PPARD: variants seen among roughly 807,000 people sequenced by gnomAD.
PPARD encodes the protein peroxisome proliferator activated receptor delta.
In PPARD, 6 loss-of-function variants were observed where a neutral mutation model predicts 39.5. The ratio of observed to expected loss-of-function variants is 0.15; its 90% CI spans 0.08 to 0.30. The LOEUF is 0.30. PPARD is among the 10% of genes least tolerant of loss of function. The probability of loss-of-function intolerance (pLI) is 1.00; values close to 1 mark genes in which losing one functional copy is unlikely to be tolerated. For missense variants in PPARD, 397 were observed against 596.8 expected (o/e 0.67, Z 3.49); for synonymous variants, 210 against 231.3 (o/e 0.91, Z 0.83).
chr6:35,348,684 CTCTG>C (rs1761033406), intron 2 of PPARD: 10 of 984,860 alleles, frequency 1.0e-5, no homozygotes, highest in Non-Finnish European at 1.2e-5. Context: ...CCCTGTGTCT[CTCTG>C]TCTGTGGGGG....
intron 2 of PPARD, among the ~76,000 whole-genome samples, chr6:35,406,516 G>T (rs2150755281): frequency 6.6e-6 from 1 of 152,320 alleles, no homozygotes; most frequent in South Asian, 2.1e-4. Context: ...CTGCAGCACA[G>T]CAGTTCAATC....
chr6:35,424,270 T>C lies in PPARD; in HGVS notation c.628-59T>C. The C allele has an allele frequency of 2.5e-6, 4 of 1,597,136 alleles. No individual in the cohort carries two copies. The highest frequency in any genetic ancestry group is 2.6e-6 in the Non-Finnish European group (3 of 1,169,748). The stretch of plus-strand genomic sequence containing the variant: ...AACTTCATGGTGCAGGCAAGGGACA[T>C]GGGGAGCACAGGGTGGGGGTCTCCC... On this transcript the variant is annotated intron_variant, in intron 6 of 7. Coordinates refer to ENST00000360694, the MANE Select transcript of PPARD (RefSeq NM_006238.5). The surrounding 1 kb of genome is among the most constrained non-coding windows in gnomAD (Gnocchi z 7.1).
rs146874791 is a variant in PPARD at position 35,367,645 on chromosome 6, T to C, written c.-102+20495T>C. 3.0e-3 allele frequency among the ~76,000 whole-genome samples: 452 copies of C among 152,378 alleles called. 12 individuals are homozygous for C. The highest frequency in any genetic ancestry group is 0.028 in the Admixed American group (430 of 15,298). ...CTTGATTGTGTGAATTGGGTCCAGA[T>C]GCTTGGTTCTGCCCCACATGATGTC... is the stretch of plus-strand genomic sequence containing the variant. On this transcript the variant is annotated intron_variant, in intron 2 of 7. Coordinates refer to ENST00000360694, the MANE Select transcript of PPARD (RefSeq NM_006238.5).
At chr6:35,413,882 C>T (rs1184251910) in intron 3 of PPARD, among the ~76,000 whole-genome samples, 1 of 152,038 alleles carries the variant, frequency 6.6e-6, no homozygotes, top group Non-Finnish European at 1.5e-5. Context: ...TGGGGTTCCA[C>T]TGTGTTGGCC....
intron 2 of PPARD, among the ~76,000 whole-genome samples, chr6:35,374,788 G>A (rs1762712587): frequency 6.6e-6 from 1 of 152,100 alleles, no homozygotes; most frequent in Admixed American, 6.6e-5. Flanking sequence ...CTCCCCCAGT[G>A]ATTCTTACAT....
In PPARD at chr6:35,363,920, T is replaced by A. The variant is rs975067069; in HGVS notation, c.-102+16770T>A. The stretch of plus-strand genomic sequence containing the variant: ...TGTATATTAACTGTGTTTTATATAT[T>A]ATATTAAATTAATATATTTATATAT... On this transcript the variant is annotated intron_variant, in intron 2 of 7. Transcript: ENST00000360694. The surrounding 1 kb of genome is among the most constrained non-coding windows in gnomAD (Gnocchi z 4.5). Among the ~76,000 whole-genome samples the A allele has an allele frequency of 7.3e-6, 1 of 136,070 alleles. No individual in the cohort carries two copies. Among genetic ancestry groups the A allele is most frequent in the African/African-American group, 3.2e-5 (1 of 31,490 alleles). 89.3% of individuals were successfully genotyped at this position (136,070 alleles called of 152,430 possible). A position where few individuals can be genotyped will look rare whatever the true frequency, so the allele number is the denominator to read the frequency against.
chr6:35,381,578 C>T (rs572891815), intron 2 of PPARD, among the ~76,000 whole-genome samples: 54 of 152,208 alleles, frequency 3.5e-4, no homozygotes, highest in African/African-American at 1.3e-3. Flanking sequence ...ATGTCAGGTT[C>T]TAGGAAGAAA....
At chr6:35,399,892 T>G (rs1444031149) in intron 2 of PPARD, among the ~76,000 whole-genome samples, 3 of 152,238 alleles carry the variant, frequency 2.0e-5, no homozygotes, top group African/African-American at 7.2e-5. Flanking sequence ...TGTGCCCTAA[T>G]ATATTTAACC....
In PPARD at chr6:35,424,546, T is replaced by C; in HGVS notation, c.845T>C (p.Leu282Pro). 6.2e-7 allele frequency: 1 copy of C among 1,614,220 alleles called. No individual in the cohort carries two copies. The highest frequency in any genetic ancestry group is 1.1e-5 in the South Asian group (1 of 91,092). The change falls in exon 7 of 8, where the codon CTC becomes CCC. Residue 282 changes from leucine (L) to proline (P), a missense_variant. Physicochemically the swap from Leu to Pro is moderately conservative, Grantham distance 98. Transcript: ENST00000360694. The surrounding 1 kb of genome is among the most constrained non-coding windows in gnomAD (Gnocchi z 7.1). ...TTCCTCAACGACCAGGTTACCCTTC[T>C]CAAGTATGGCGTGCACGAGGCCATC... is the stretch of plus-strand genomic sequence containing the variant. Reference protein sequence around the residue: ...SLFLNDQVTLLKYGVHEAIFA... With the variant: ...SLFLNDQVTLPKYGVHEAIFA...
Position 35,423,985 on chromosome 6 carries a change from A to C in PPARD, c.464A>C (p.Lys155Thr). Residue 155 changes from lysine (K) to threonine (T), a missense_variant, in exon 6 of 8, where the codon AAG becomes ACG. Coordinates refer to ENST00000360694, the MANE Select transcript of PPARD (RefSeq NM_006238.5). ...CGGATGCCGGAGGCTGAGAAGAGGA[A>C]GCTGGTGGCAGGGCTGACTGCAAAC... ...FGRMPEAEKRKLVAGLTANEG... is the reference protein window; with the variant it reads ...FGRMPEAEKRTLVAGLTANEG... The C allele has an allele frequency of 6.2e-7, 1 of 1,614,218 alleles. No homozygotes were observed. The highest frequency in any genetic ancestry group is 8.5e-7 in the Non-Finnish European group (1 of 1,180,036).
At chr6:35,377,862 TTTACGTATCTTTTTTTTTTTGAG>T in intron 2 of PPARD, among the ~76,000 whole-genome samples, 1 of 145,476 alleles carries the variant, frequency 6.9e-6, no homozygotes, top group East Asian at 2.0e-4. Context: ...TCGCTGCTTG[TTTACGTATCTTTTTTTTTTTGAG>T]ACAGAGTGTT....
chr6:35,424,460 A>G lies in PPARD; in HGVS notation c.759A>G (p.Thr253=), dbSNP rs773800049. Residue 253 remains threonine, a synonymous_variant, in exon 7 of 8, where the codon ACA becomes ACG. Coordinates refer to ENST00000360694, the MANE Select transcript of PPARD (RefSeq NM_006238.5). The surrounding 1 kb of genome is among the most constrained non-coding windows in gnomAD (Gnocchi z 7.1). ...TCTTCTACCGCTGCCAGTGCACCAC[A>G]GTGGAGACCGTGCGGGAGCTCACTG... ...VHVFYRCQCT[T]VETVRELTEF... 8.1e-6 allele frequency: 13 copies of G among 1,614,110 alleles called. No homozygotes were observed. In the South Asian group the frequency reaches 1.1e-4, roughly 14 times the overall value.
chr6:35,415,088 A>T (rs1765664915), intron 3 of PPARD, among the ~76,000 whole-genome samples: 1 of 152,174 alleles, frequency 6.6e-6, no homozygotes, highest in Non-Finnish European at 1.5e-5. Flanking sequence ...CTTGAGAAAG[A>T]GGAAGATAAA....
At chr6:35,376,335 C>A (rs892033338) in intron 2 of PPARD, among the ~76,000 whole-genome samples, 1 of 152,210 alleles carries the variant, frequency 6.6e-6, no homozygotes, top group African/African-American at 2.4e-5. Flanking sequence ...ACCAAAGTCT[C>A]TATATTTGTT....
intron 2 of PPARD, among the ~76,000 whole-genome samples, chr6:35,350,672 G>A (rs1761189911): frequency 9.8e-3 from 1 of 102 alleles, no homozygotes; most frequent in Non-Finnish European, 0.022. Context: ...CCAGGATGGA[G>A]TGCAGTGGCG....
In PPARD at chr6:35,412,445, C is replaced by T. The variant is rs9296153; in HGVS notation, c.130+1228C>T. On this transcript the variant is annotated intron_variant, in intron 3 of 7. Transcript: ENST00000360694. This position sits in a 1 kb window ranked among gnomAD's most constrained non-coding sequence, Gnocchi z 4.1. ...CTCAGGCAGAGGAGCAAGCCCACCCCGCAGAAATGGGCTCTGGACCCCTGT... is the reference window on the plus strand; with the variant it reads ...CTCAGGCAGAGGAGCAAGCCCACCCTGCAGAAATGGGCTCTGGACCCCTGT... Among the ~76,000 whole-genome samples, 10,874 of 152,248 alleles carry T rather than the reference C, an allele frequency of 0.071. 800 individuals are homozygous for T. The highest frequency in any genetic ancestry group is 0.18 in the African/African-American group (7,423 of 41,524).
intron 3 of PPARD, among the ~76,000 whole-genome samples, chr6:35,417,491 A>G (rs367572677): frequency 2.2e-4 from 34 of 151,606 alleles, no homozygotes; most frequent in African/African-American, 7.8e-4. Flanking sequence ...GGGTCTCACT[A>G]TGTTGCTCCT....
intron 5 of PPARD, among the ~76,000 whole-genome samples, chr6:35,422,334 C>A (rs1030209429): frequency 1.3e-5 from 2 of 152,212 alleles, no homozygotes; most frequent in African/African-American, 4.8e-5. Flanking sequence ...ATGAAAGCTA[C>A]TGCCAAGGCC....
At chr6:35,385,745 T>TA (rs1445503314) in intron 2 of PPARD, among the ~76,000 whole-genome samples, 2 of 151,422 alleles carry the variant, frequency 1.3e-5, no homozygotes, top group African/African-American at 4.8e-5. Flanking sequence ...GAACGCATTA[T>TA]AAGGCCCCTG....
Sources: allele counts gnomAD v4.1 joint callset (sites outside exome capture counted in the v4.1 genomes callset), GRCh38; gene constraint gnomAD v4.1.1; non-coding constraint Gnocchi (gnomAD v3.1); transcripts MANE v1.5; gene names NCBI Gene and HGNC (gene_info 2026-07-23, HGNC 2026-07-21).